KALRN: variants seen among roughly 807,000 people sequenced by gnomAD.
The protein encoded by KALRN is kalirin RhoGEF kinase.
A neutral mutation model predicts 353.7 loss-of-function variants in KALRN; 70 were observed. The observed-to-expected ratio is 0.20, with a 90% CI of 0.16 to 0.24. The LOEUF (loss-of-function observed/expected upper bound fraction) is 0.24. Ranked by LOEUF, KALRN falls within the 10% of genes least tolerant of loss-of-function variation. KALRN has a pLI of 1.00. For synonymous variants in KALRN, 1,391 were observed against 1,434.8 expected (o/e 0.97, Z 0.69); for missense variants, 2,791 against 3,756.7 (o/e 0.74, Z 6.72).
chr3:124,192,369 A>G (rs1403908383), intron 1 of KALRN, among the ~76,000 whole-genome samples: 3 of 152,142 alleles, frequency 2.0e-5, no homozygotes, highest in Non-Finnish European at 4.4e-5. Context: ...TGGTTACTAG[A>G]GGCTGGGAAA....
intron 13 of KALRN, among the ~76,000 whole-genome samples, chr3:124,411,529 ACTCCTGGGCTCAAGTGATT>A (rs2092158598): frequency 7.0e-6 from 1 of 142,244 alleles, no homozygotes; most frequent in African/African-American, 2.6e-5. Flanking sequence ...ACAACCTTGA[ACTCCTGGGCTCAAGTGATT>A]CTCCTGCCTC....
intron 1 of KALRN, among the ~76,000 whole-genome samples, chr3:124,215,992 G>A (rs80238096): frequency 6.6e-6 from 1 of 152,162 alleles, no homozygotes; most frequent in South Asian, 2.1e-4. Context: ...TCCCTCCAAT[G>A]GCGGGGGTGT....
At chr3:124,664,382 CATATAAGG>C (rs2085337621) in intron 45 of KALRN, among the ~76,000 whole-genome samples, 1 of 147,496 alleles carries the variant, frequency 6.8e-6, no homozygotes, top group Admixed American at 6.8e-5. Flanking sequence ...CGCGCGCGCG[CATATAAGG>C]GCACCCACAA....
intron 6 of KALRN, among the ~76,000 whole-genome samples, chr3:124,311,843 G>A (rs985715515): frequency 6.6e-6 from 1 of 152,222 alleles, no homozygotes; most frequent in Non-Finnish European, 1.5e-5. Context: ...ATGCTGACAT[G>A]TGTTACAACA....
At position 124,341,704 on chromosome 3, in the gene KALRN, G is replaced by A. The variant is rs890313209; in HGVS notation, c.1648-5439G>A. ...AACATGTATTAAGCAACTACTCTGTGCTGAGTACCACACTCTGTCCTGGGA... is the reference window on the plus strand; with the variant it reads ...AACATGTATTAAGCAACTACTCTGTACTGAGTACCACACTCTGTCCTGGGA... On this transcript the variant is annotated intron_variant, in intron 9 of 59. Coordinates refer to ENST00000682506, the MANE Select transcript of KALRN (RefSeq NM_001388419.1). 9.8e-5 allele frequency among the ~76,000 whole-genome samples: 15 copies of A among 152,302 alleles called. No homozygotes were observed. In the East Asian group the frequency reaches 2.5e-3, roughly 25 times the overall value.
chr3:124,512,507 C>T (rs2066037885), intron 33 of KALRN, among the ~76,000 whole-genome samples: 2 of 152,134 alleles, frequency 1.3e-5, no homozygotes, highest in South Asian at 4.2e-4. Context: ...AAAAATTAGC[C>T]AGGCATGGTG....
At chr3:124,179,536 A>G (rs2073266231) in intron 1 of KALRN, among the ~76,000 whole-genome samples, 1 of 152,248 alleles carries the variant, frequency 6.6e-6, no homozygotes, top group Admixed American at 6.5e-5. Flanking sequence ...TTTTTTTAGC[A>G]AATATATAAA....
At chr3:124,662,159 C>T (rs1177136697) in intron 45 of KALRN, among the ~76,000 whole-genome samples, 3 of 148,504 alleles carry the variant, frequency 2.0e-5, no homozygotes, top group African/African-American at 7.5e-5. Flanking sequence ...AAACCAAAGT[C>T]AGAATTCCAA....
chr3:124,637,868 G>C (rs1221093714), intron 37 of KALRN, among the ~76,000 whole-genome samples: 1 of 152,204 alleles, frequency 6.6e-6, no homozygotes, highest in Non-Finnish European at 1.5e-5. Flanking sequence ...CTGGCAGCCT[G>C]TCTAGCCTGT....
chr3:124,450,457 T>C (rs1336692166), intron 21 of KALRN, among the ~76,000 whole-genome samples: 1 of 152,012 alleles, frequency 6.6e-6, no homozygotes, highest in East Asian at 1.9e-4. Flanking sequence ...GAGATTCAGA[T>C]AGCAAGGAAA....
Position 124,347,177 on chromosome 3 carries a change from T to A in KALRN, c.1682T>A (p.Phe561Tyr), listed in dbSNP as rs989671927. 6.2e-7 allele frequency: 1 copy of A among 1,613,948 alleles called. No homozygotes were observed. The highest frequency in any genetic ancestry group is 8.5e-7 in the Non-Finnish European group (1 of 1,179,930). ...LDWIENHGEA[F>Y]LSKHTGVGKS... is the part of the protein sequence containing the mutation. ...TGGATTGAAAACCATGGTGAGGCCT[T>A]TCTCAGCAAACACACTGGAGTTGGG... is the stretch of plus-strand genomic sequence containing the variant. The change falls in exon 10 of 60, where the codon TTT (phenylalanine) becomes TAT (tyrosine). Residue 561 changes from phenylalanine to tyrosine, a missense_variant. Phe to Tyr is a conservative substitution (Grantham distance 22). Transcript: ENST00000682506.
At chr3:124,134,999 C>G (rs1175273635) in intron 1 of KALRN, among the ~76,000 whole-genome samples, 1 of 152,112 alleles carries the variant, frequency 6.6e-6, no homozygotes, top group Non-Finnish European at 1.5e-5. Context: ...GTGGAACCAC[C>G]ATTTGATCCA....
At chr3:124,654,995 T>G (rs561726486) in intron 38 of KALRN, among the ~76,000 whole-genome samples, 6 of 152,202 alleles carry the variant, frequency 3.9e-5, no homozygotes, top group African/African-American at 1.4e-4. Flanking sequence ...ATGTGTGATT[T>G]TGGAATGTCT....
chr3:124,562,805 C>A (rs1254835328), intron 33 of KALRN, 38 bp from the exon 34 acceptor site: 1 of 1,300,990 alleles, frequency 7.7e-7, no homozygotes, highest in Non-Finnish European at 1.0e-6. Context: ...TTCCTCCATG[C>A]CCTCCTGTTC....
intron 34 of KALRN, among the ~76,000 whole-genome samples, chr3:124,620,063 C>T (rs976305529): frequency 6.6e-6 from 1 of 151,700 alleles, no homozygotes; most frequent in African/African-American, 2.4e-5. Flanking sequence ...AAAGTTTCAC[C>T]ATATTCTTTC....
In KALRN at chr3:124,658,489, T is replaced by C; in HGVS notation, c.6095T>C (p.Ile2032Thr). The change falls in exon 42 of 60, where the codon ATC becomes ACC. Residue 2032 changes from isoleucine (I) to threonine (T), a missense_variant. Physicochemically the swap from Ile to Thr is moderately conservative, Grantham distance 89. Around this residue, in one of 11 missense-constraint regions of KALRN, gnomAD observed 1,065 missense variants for 1,156.4 expected, o/e 0.92. Transcript: ENST00000682506. Reference protein sequence around the residue: ...YCQNKPRSEYIVAEYDAYFEE... With the variant: ...YCQNKPRSEYTVAEYDAYFEE... ...CAGAATAAGCCGCGCTCAGAGTACA[T>C]CGTTGCTGAGTATGACGCCTACTTT... 1 of 1,614,114 alleles carries C rather than the reference T, an allele frequency of 6.2e-7. No homozygotes were observed. The highest frequency in any genetic ancestry group is 8.5e-7 in the Non-Finnish European group (1 of 1,179,980).
chr3:124,512,325 C>G (rs1561188337), intron 33 of KALRN, among the ~76,000 whole-genome samples: 2 of 152,224 alleles, frequency 1.3e-5, no homozygotes, highest in Non-Finnish European at 2.9e-5. Context: ...TTCCTATTCT[C>G]TCTCAATATG....
chr3:124,703,769 T>C (rs1440429777), intron 57 of KALRN, among the ~76,000 whole-genome samples: 1 of 152,198 alleles, frequency 6.6e-6, no homozygotes, highest in Non-Finnish European at 1.5e-5. Flanking sequence ...GGGAGGATGA[T>C]CAGTCTTCCA....
Position 124,724,453 on chromosome 3 carries a change from CT to C in KALRN, c.*4985del, listed in dbSNP as rs2150872986. 1 of 152,172 alleles carries C rather than the reference CT, an allele frequency of 6.6e-6. No homozygotes were observed. The highest frequency in any genetic ancestry group is 2.1e-4 in the South Asian group (1 of 4,818). 9.4% of individuals were successfully genotyped at this position (152,172 alleles called of 1,614,324 possible). A position where few individuals can be genotyped will look rare whatever the true frequency, so the allele number is the denominator to read the frequency against. On this transcript the variant is annotated 3_prime_UTR_variant, in exon 60 of 60. Transcript: ENST00000682506. Reference sequence around the variant, plus strand: ...AGTGAATTTATTTATAAAACTGCACCTTGATTTTTCCTCACTATTTAAAGCC... The same window carrying C: ...AGTGAATTTATTTATAAAACTGCACCTGATTTTTCCTCACTATTTAAAGCC...
Sources: gnomAD v4.1 joint callset for allele counts (sites outside exome capture counted in the v4.1 genomes callset) on GRCh38, gnomAD v4.1.1 for gene constraint, gnomAD v4.1.1 regional missense constraint, MANE v1.5 for transcripts, NCBI Gene and HGNC (gene_info 2026-07-23, HGNC 2026-07-21) for gene names.